REV3L: variants seen among roughly 807,000 people sequenced by gnomAD.
REV3L encodes DNA polymerase zeta catalytic subunit.
Under a neutral mutation model 299.4 loss-of-function variants are expected in REV3L, and 69 were observed. The ratio of observed to expected loss-of-function variants is 0.23; its 90% CI spans 0.19 to 0.28. The LOEUF is 0.28. REV3L is among the 10% of genes least tolerant of loss of function. REV3L has a pLI of 1.00. For missense variants in REV3L, 3,128 were observed against 3,693.8 expected, an observed-to-expected ratio of 0.85 and a Z score of 3.97; for synonymous variants, 1,238 against 1,271.4, an observed-to-expected ratio of 0.97 and a Z score of 0.56.
chr6:111,325,625 C>T (rs1054798816), intron 25 of REV3L, among the ~76,000 whole-genome samples: 37 of 152,136 alleles, frequency 2.4e-4, no homozygotes, highest in African/African-American at 6.3e-4. Flanking sequence ...ATTTGCCTCC[C>T]GCTTTTAAAA....
intron 17 of REV3L, among the ~76,000 whole-genome samples, chr6:111,358,329 A>C (rs1360982473): frequency 3.3e-5 from 5 of 152,302 alleles, no homozygotes; most frequent in African/African-American, 1.2e-4. Context: ...CTGTGCACCT[A>C]ATCTAGGGAT....
intron 1 of REV3L, among the ~76,000 whole-genome samples, chr6:111,449,056 TA>T (rs1179613974): frequency 6.6e-6 from 1 of 152,190 alleles, no homozygotes; most frequent in African/African-American, 2.4e-5. Context: ...GGAGAGGATT[TA>T]ATGCTTGAGC....
chr6:111,472,391 T>A (rs7776047), intron 1 of REV3L, among the ~76,000 whole-genome samples: 143,650 of 152,168 alleles, frequency 0.94, 67,843 homozygotes, highest in East Asian at 1. Context: ...AAAAATAGTA[T>A]TCTTGTGAAC....
At chr6:111,336,972 T>C (rs1775955022) in intron 21 of REV3L, among the ~76,000 whole-genome samples, 1 of 151,970 alleles carries the variant, frequency 6.6e-6, no homozygotes, top group South Asian at 2.1e-4. Context: ...TCAAATTTAT[T>C]TGGGAAAATT....
At chr6:111,421,110 A>C (rs1343173700) in intron 1 of REV3L, among the ~76,000 whole-genome samples, 2 of 152,208 alleles carry the variant, frequency 1.3e-5, no homozygotes, top group Non-Finnish European at 2.9e-5. Context: ...CCTGGGAGAC[A>C]GAGCGAGACT....
At position 111,329,443 on chromosome 6, in the gene REV3L, T is replaced by C. The variant is rs375414171; in HGVS notation, c.8241+89A>G. The C allele has an allele frequency of 2.5e-5, 32 of 1,274,132 alleles. No individual in the cohort carries two copies. In the African/African-American group the frequency reaches 3.2e-4, roughly 13 times the overall value. The allele number at this position is 1,274,132 out of a possible 1,614,324, so 78.9% of individuals were successfully genotyped here. A position where few individuals can be genotyped will look rare whatever the true frequency, so the allele number is the denominator to read the frequency against. On this transcript the variant is annotated intron_variant, in intron 25 of 31. Coordinates refer to ENST00000368802, the MANE Select transcript of REV3L (RefSeq NM_001372078.1). ...AAGACCCCCGCACCACATCTTAGCT[T>C]CCAAAGTAACTGGGAATACAGGTGA...
chr6:111,423,052 G>T (rs1785754830), intron 1 of REV3L, among the ~76,000 whole-genome samples: 1 of 151,988 alleles, frequency 6.6e-6, no homozygotes, highest in South Asian at 2.1e-4. Context: ...GGTATAGTTG[G>T]TTCCTTTATT....
In REV3L at chr6:111,300,090, G is replaced by C. The variant is rs1771309762; in HGVS notation, c.9319C>G (p.Leu3107Val). The change falls in exon 32 of 32, where the codon CTT becomes GTT. Residue 3107 changes from leucine to valine, a missense_variant. By Grantham distance (32) the Leu-to-Val change is conservative (BLOSUM62 1). Transcript: ENST00000368802. ...IPCVSLNCPVLFKLSRVNREL... is the reference protein window; with the variant it reads ...IPCVSLNCPVVFKLSRVNREL... ...CTATTTACTCGGGAGAGTTTGAAAA[G>C]TACTGGGCAGTTCAGAGAAACACAT... 3 of 1,613,682 alleles carry C rather than the reference G, an allele frequency of 1.9e-6. No individual in the cohort carries two copies. Among genetic ancestry groups the C allele is most frequent in the Admixed American group, 1.7e-5 (1 of 59,984 alleles).
intron 9 of REV3L, among the ~76,000 whole-genome samples, chr6:111,382,825 C>T (rs574303073): frequency 4.6e-5 from 7 of 152,188 alleles, no homozygotes; most frequent in Non-Finnish European, 1.0e-4. Context: ...CAGCACAACT[C>T]GCAGCTCCAG....
In REV3L at chr6:111,311,123, C is replaced by T. The variant is rs746055321; in HGVS notation, c.8741G>A (p.Arg2914Lys). The change falls in exon 29 of 32, where the codon AGA becomes AAA. Residue 2914 changes from arginine to lysine, a missense_variant. By Grantham distance (26) the Arg-to-Lys change is conservative. Coordinates refer to ENST00000368802, the MANE Select transcript of REV3L (RefSeq NM_001372078.1). ...IQDFIFAKEY[R>K]GSFSYKPGAC... ...TCCTGGTTTATAAGAAAAACTTCCT[C>T]TGTATTCCTTGGCAAAGATAAAGTC... The T allele has an allele frequency of 6.2e-7, 1 of 1,614,112 alleles. No homozygotes were observed. The highest frequency in any genetic ancestry group is 8.5e-7 in the Non-Finnish European group (1 of 1,179,984).
At chr6:111,451,632 G>A (rs529218061) in intron 1 of REV3L, among the ~76,000 whole-genome samples, 4 of 152,110 alleles carry the variant, frequency 2.6e-5, no homozygotes, top group African/African-American at 9.6e-5. Flanking sequence ...GCCCAATACC[G>A]AAGGGAATTT....
Position 111,483,039 on chromosome 6 carries a change from G to A in REV3L, c.-151C>T, listed in dbSNP as rs1009031132. 4.0e-5 allele frequency: 40 copies of A among 1,010,378 alleles called. No individual in the cohort carries two copies. In the East Asian group the frequency reaches 1.0e-3, roughly 25 times the overall value. 62.6% of individuals were successfully genotyped at this position (1,010,378 alleles called of 1,614,324 possible). A position where few individuals can be genotyped will look rare whatever the true frequency, so the allele number is the denominator to read the frequency against. On this transcript the variant is annotated 5_prime_UTR_variant, in exon 1 of 32. Coordinates refer to ENST00000368802, the MANE Select transcript of REV3L (RefSeq NM_001372078.1). ...ACAGAGGCACCTCGAGGAGCGGCGG[G>A]CGGGGCGGTGTAGGCGCTGCTGCCG...
Position 111,416,443 on chromosome 6 carries a change from T to C in REV3L, c.169A>G (p.Ile57Val), listed in dbSNP as rs1174818524. 8 of 1,613,354 alleles carry C rather than the reference T, an allele frequency of 5.0e-6. No individual in the cohort carries two copies. The highest frequency in any genetic ancestry group is 1.7e-5 in the Admixed American group (1 of 59,942). The change falls in exon 2 of 32, where the codon ATC becomes GTC. Residue 57 changes from isoleucine (I) to valine (V), a missense_variant. Coordinates refer to ENST00000368802, the MANE Select transcript of REV3L (RefSeq NM_001372078.1). Reference sequence around the variant, plus strand: ...TATGGCACATAGAGGTAAGGAAAGATGCCATGTAGATGAAGACATGTCTTC... The same window carrying C: ...TATGGCACATAGAGGTAAGGAAAGACGCCATGTAGATGAAGACATGTCTTC... ...GQKTCLHLHG[I>V]FPYLYVPYDG...
chr6:111,388,881 G>C (rs1447752442), intron 7 of REV3L, among the ~76,000 whole-genome samples: 2 of 152,050 alleles, frequency 1.3e-5, no homozygotes, highest in Non-Finnish European at 2.9e-5. Context: ...TAAAAACAAA[G>C]AACAGTAAAA....
chr6:111,387,350 T>A (rs1454228401), intron 9 of REV3L, among the ~76,000 whole-genome samples: 1 of 152,210 alleles, frequency 6.6e-6, no homozygotes, highest in Non-Finnish European at 1.5e-5. Context: ...TGGAGACGTT[T>A]GCACAACTTT....
intron 1 of REV3L, among the ~76,000 whole-genome samples, chr6:111,465,710 G>GC (rs1380111125): frequency 1.1e-5 from 1 of 93,536 alleles, no homozygotes; most frequent in Non-Finnish European, 2.0e-5. Flanking sequence ...TCTAGCCTGG[G>GC]CAACAAAGCG....
At chr6:111,472,916 A>G (rs1490047603) in intron 1 of REV3L, among the ~76,000 whole-genome samples, 1 of 152,170 alleles carries the variant, frequency 6.6e-6, no homozygotes, top group Non-Finnish European at 1.5e-5. Flanking sequence ...TCATGTTTGG[A>G]CAGTAGACTG....
chr6:111,307,520 G>A lies in REV3L; in HGVS notation c.9093C>T (p.Gly3031=), dbSNP rs1772450766. ...SSRSEPEGRK[G]TISQYFTTLH... ...AGGTAGTAAAATATTGTGAAATAGT[G>A]CCTTTCCGCCCTTCAGGTTCACTTC... Residue 3031 remains glycine (G), a synonymous_variant, in exon 31 of 32, where the codon GGC becomes GGT. Coordinates refer to ENST00000368802, the MANE Select transcript of REV3L (RefSeq NM_001372078.1). 1 of 1,614,102 alleles carries A rather than the reference G, an allele frequency of 6.2e-7. No individual in the cohort carries two copies. The highest frequency in any genetic ancestry group is 1.7e-5 in the Admixed American group (1 of 60,014).
intron 9 of REV3L, among the ~76,000 whole-genome samples, chr6:111,384,132 C>A (rs1407805064): frequency 1.3e-5 from 2 of 152,136 alleles, no homozygotes; most frequent in Non-Finnish European, 1.5e-5. Flanking sequence ...AAATCTAAGA[C>A]TCAAACTATG....
Sources: allele counts gnomAD v4.1 joint callset (sites outside exome capture counted in the v4.1 genomes callset), GRCh38; gene constraint gnomAD v4.1.1; transcripts MANE v1.5; gene names NCBI Gene and HGNC (gene_info 2026-07-23, HGNC 2026-07-21).